ZNF487: variants seen among roughly 807,000 people sequenced by gnomAD.
The protein encoded by ZNF487 is zinc finger protein 487.
In ZNF487, 4 loss-of-function variants were observed where a neutral mutation model predicts 3.0. The observed-to-expected ratio is 1.35, with a 90% CI of 0.66 to 3.08. The LOEUF (loss-of-function observed/expected upper bound fraction) is 3.08, where lower values mean the gene tolerates loss of function less well. ZNF487 is among the 30% of genes most tolerant of loss of function. The pLI, the probability that ZNF487 is intolerant of heterozygous loss-of-function variation, is 0.01. For missense variants in ZNF487, 146 were observed against 98.7 expected, an observed-to-expected ratio of 1.48 and a Z score of -2.03; for synonymous variants, 55 against 34.6, an observed-to-expected ratio of 1.59 and a Z score of -2.06.
chr10:43,441,867 G>A (rs1168336275), intron 1 of ZNF487, among the ~76,000 whole-genome samples: 2 of 152,158 alleles, frequency 1.3e-5, no homozygotes, highest in Non-Finnish European at 2.9e-5. Flanking sequence ...GATTACAGGC[G>A]TGAGCCACCA....
chr10:43,498,267 T>C, the ZNF487 span, among the ~76,000 whole-genome samples: 3 of 128,212 alleles, frequency 2.3e-5, no homozygotes, highest in Admixed American at 8.0e-5. Context: ...TTTATATATA[T>C]ATATATATTT....
At chr10:43,461,137 G>A (rs1405790412) in intron 1 of ZNF487, among the ~76,000 whole-genome samples, 1 of 151,992 alleles carries the variant, frequency 6.6e-6, no homozygotes, top group Non-Finnish European at 1.5e-5. Flanking sequence ...CTCCTGAGTA[G>A]CTAGGATTAT....
At chr10:43,481,384 A>G in intron 3 of ZNF487, 45 bp from the exon 4 acceptor site, 1 of 662,462 alleles carries the variant, frequency 1.5e-6, no homozygotes. Flanking sequence ...TTCATGAAAA[A>G]TATGTTAACA....
At chr10:43,487,485 T>C (rs2132164673), downstream of ZNF487, among the ~76,000 whole-genome samples, 1 of 149,334 alleles carries the variant, frequency 6.7e-6, no homozygotes, top group Admixed American at 6.7e-5. Context: ...GTTTTGCTCT[T>C]GTTGCCCAGG....
At chr10:43,493,339 C>T in the ZNF487 span, among the ~76,000 whole-genome samples, 8 of 152,078 alleles carry the variant, frequency 5.3e-5, no homozygotes, top group African/African-American at 1.9e-4. Flanking sequence ...CTTTACCACC[C>T]CTCCAACACC....
At chr10:43,455,763 C>T (rs1840168498) in intron 1 of ZNF487, among the ~76,000 whole-genome samples, 1 of 152,238 alleles carries the variant, frequency 6.6e-6, no homozygotes, top group Non-Finnish European at 1.5e-5. Context: ...GGGCCGCGGC[C>T]TTGGCCCTTT....
chr10:43,516,996 C>A, the ZNF487 span, among the ~76,000 whole-genome samples: 7 of 152,238 alleles, frequency 4.6e-5, no homozygotes, highest in Non-Finnish European at 1.0e-4. Context: ...CCGTAGCAGC[C>A]TTGTCATCAC....
chr10:43,512,781 C>T, the ZNF487 span, among the ~76,000 whole-genome samples: 36 of 152,294 alleles, frequency 2.4e-4, no homozygotes, highest in East Asian at 9.7e-4. Context: ...GACAGCCTTT[C>T]GGGTCACTTG....
At chr10:43,454,069 G>A (rs1023665640) in intron 1 of ZNF487, 67 of 151,888 alleles carry the variant, frequency 4.4e-4, no homozygotes, top group African/African-American at 1.6e-3. Context: ...TTTAAGGTAC[G>A]GAGTCTCGCT....
At chr10:43,499,134 A>G in the ZNF487 span, among the ~76,000 whole-genome samples, 11 of 152,220 alleles carry the variant, frequency 7.2e-5, no homozygotes, top group Non-Finnish European at 1.3e-4. Context: ...AAATTTAATG[A>G]ACAAATGCTA....
At chr10:43,497,953 C>T in the ZNF487 span, among the ~76,000 whole-genome samples, 10 of 133,690 alleles carry the variant, frequency 7.5e-5, no homozygotes, top group East Asian at 2.2e-4. Flanking sequence ...GGCGACAGAG[C>T]GAGACTCCGT....
At chr10:43,451,540 T>C (rs1454924525) in intron 1 of ZNF487, among the ~76,000 whole-genome samples, 2 of 151,378 alleles carry the variant, frequency 1.3e-5, no homozygotes, top group Non-Finnish European at 1.5e-5. Context: ...CCACTGTGCC[T>C]GGCCAAAGTT....
At chr10:43,491,263 G>A in the ZNF487 span, among the ~76,000 whole-genome samples, 769 of 151,760 alleles carry the variant, frequency 5.1e-3, 35 homozygotes, top group African/African-American at 0.018. Flanking sequence ...CCTCTACTTC[G>A]TTTTTTATTC....
At chr10:43,479,954 C>CTT (rs2132148950) in intron 3 of ZNF487, among the ~76,000 whole-genome samples, 1 of 52,720 alleles carries the variant, frequency 1.9e-5, no homozygotes, top group South Asian at 8.4e-4. Context: ...CTGCACCTGA[C>CTT]TCTCTTTCTT....
intron 1 of ZNF487, among the ~76,000 whole-genome samples, chr10:43,468,540 A>G (rs1840786298): frequency 6.6e-6 from 1 of 151,716 alleles, no homozygotes; most frequent in Non-Finnish European, 1.5e-5. Flanking sequence ...TTAGCCGGCC[A>G]TGGTGGCACA....
the ZNF487 span, among the ~76,000 whole-genome samples, chr10:43,512,199 CTT>C: frequency 6.6e-6 from 1 of 152,210 alleles, no homozygotes; most frequent in Admixed American, 6.5e-5. Flanking sequence ...CCCTAGTCCT[CTT>C]TTCCTCTGTT....
At chr10:43,495,203 CTTTT>C in the ZNF487 span, among the ~76,000 whole-genome samples, 1 of 121,510 alleles carries the variant, frequency 8.2e-6, no homozygotes. Context: ...TGTCCCCAGG[CTTTT>C]TTTTTTTTTT....
chr10:43,522,469 C>A, the ZNF487 span, among the ~76,000 whole-genome samples: 2 of 152,208 alleles, frequency 1.3e-5, no homozygotes, highest in African/African-American at 4.8e-5. Context: ...TGCGGTGGCT[C>A]ATGCCTGTAA....
chr10:43,455,502 G>A (rs772494650), intron 1 of ZNF487, among the ~76,000 whole-genome samples: 3 of 152,272 alleles, frequency 2.0e-5, no homozygotes, highest in Non-Finnish European at 4.4e-5. Context: ...GTCCTTTGCG[G>A]TCTTTTGTCC....
Sources: allele counts gnomAD v4.1 joint callset (sites outside exome capture counted in the v4.1 genomes callset), GRCh38; gene constraint gnomAD v4.1.1; transcripts MANE v1.5; gene names NCBI Gene and HGNC (gene_info 2026-07-23, HGNC 2026-07-21).